The following LRP1B variants were observed in gnomAD, a reference collection of about 807,000 sequenced individuals.
LRP1B encodes low-density lipoprotein receptor-related protein 1B.
LRP1B carries 217 observed loss-of-function variants against 556.6 expected under a neutral mutation model. The ratio of observed to expected loss-of-function variants is 0.39; its 90% confidence interval spans 0.35 to 0.44. LRP1B has a LOEUF of 0.44. LRP1B is among the 20% of genes least tolerant of loss of function. The pLI is 1.00. For synonymous variants in LRP1B, 2,047 were observed against 1,865.8 expected, an observed-to-expected ratio of 1.10 and a Z score of -2.50; for missense variants, 5,053 against 5,620.8, an observed-to-expected ratio of 0.90 and a Z score of 3.23.
intron 31 of LRP1B, among the ~76,000 whole-genome samples, chr2:140,830,249 A>C (rs2105073835): frequency 6.6e-6 from 1 of 152,210 alleles, no homozygotes; most frequent in African/African-American, 2.4e-5. Context: ...GAATACTTCC[A>C]AACTCATTCT....
At chr2:141,350,956 T>C (rs1244729738) in intron 3 of LRP1B, among the ~76,000 whole-genome samples, 1 of 152,066 alleles carries the variant, frequency 6.6e-6, no homozygotes, top group Non-Finnish European at 1.5e-5. Flanking sequence ...CAGAGGTGAT[T>C]ATATGTAACT....
intron 7 of LRP1B, among the ~76,000 whole-genome samples, chr2:141,176,570 G>A (rs1045432937): frequency 6.6e-6 from 1 of 152,044 alleles, no homozygotes; most frequent in Admixed American, 6.6e-5. Context: ...GCAGAACTGT[G>A]AGTCAATTAA....
chr2:140,830,277 C>T (rs957071439), intron 31 of LRP1B, among the ~76,000 whole-genome samples: 55 of 151,962 alleles, frequency 3.6e-4, no homozygotes, highest in Non-Finnish European at 1.2e-4. Context: ...CAGCATTTCC[C>T]TGATGTTAAA....
chr2:141,582,180 T>A (rs1263172643), intron 2 of LRP1B, among the ~76,000 whole-genome samples: 4 of 152,242 alleles, frequency 2.6e-5, no homozygotes, highest in Non-Finnish European at 5.9e-5. Context: ...AGGGCTTTTC[T>A]CTAAGAAGTA....
chr2:140,521,393 T>C (rs1490774924), intron 49 of LRP1B, among the ~76,000 whole-genome samples: 1 of 152,046 alleles, frequency 6.6e-6, no homozygotes, highest in South Asian at 2.1e-4. Context: ...TGGGGACCTA[T>C]TTTTAGCATT....
At chr2:140,978,966 T>C (rs1291121884) in intron 18 of LRP1B, among the ~76,000 whole-genome samples, 1 of 152,122 alleles carries the variant, frequency 6.6e-6, no homozygotes, top group Non-Finnish European at 1.5e-5. Context: ...TTGTACCAGC[T>C]TTTGAGAGCT....
chr2:141,217,660 T>C (rs1275131834), intron 6 of LRP1B, among the ~76,000 whole-genome samples: 1 of 152,192 alleles, frequency 6.6e-6, no homozygotes, highest in African/African-American at 2.4e-5. Flanking sequence ...GAAATACTTT[T>C]CTGAACATTG....
In LRP1B at chr2:141,177,515, T is replaced by A. The variant is rs1462722654; in HGVS notation, c.1013+10906A>T. ...TGGTTAAATAATATCATTTGCAATATCTTGGAAGGAAAAAGAAATGTGTAT... is the reference window on the plus strand; with the variant it reads ...TGGTTAAATAATATCATTTGCAATAACTTGGAAGGAAAAAGAAATGTGTAT... On this transcript the variant is annotated intron_variant, in intron 7 of 90. Transcript: ENST00000389484. Among the ~76,000 whole-genome samples, 5 of 152,136 alleles carry A rather than the reference T, an allele frequency of 3.3e-5. No homozygotes were observed. The East Asian group carries it at 7.7e-4, about 24-fold the overall frequency.
intron 7 of LRP1B, among the ~76,000 whole-genome samples, chr2:141,121,083 G>T (rs1033716028): frequency 1.3e-5 from 2 of 151,972 alleles, no homozygotes; most frequent in East Asian, 3.9e-4. Context: ...AAATCTAAGC[G>T]GTGCATTTAC....
intron 82 of LRP1B, among the ~76,000 whole-genome samples, chr2:140,321,579 A>AGGT (rs1049458683): frequency 2.6e-5 from 4 of 152,074 alleles, no homozygotes; most frequent in African/African-American, 9.7e-5. Flanking sequence ...GGCACACAAG[A>AGGT]GGTAATCAAT....
chr2:141,136,793 T>G (rs1701503885), intron 7 of LRP1B, among the ~76,000 whole-genome samples: 1 of 151,866 alleles, frequency 6.6e-6, no homozygotes, highest in Non-Finnish European at 1.5e-5. Flanking sequence ...AAGCGTGAAT[T>G]TGACTTAGAT....
At chr2:141,797,185 ATAAC>A (rs1695851816) in intron 2 of LRP1B, among the ~76,000 whole-genome samples, 7 of 131,420 alleles carry the variant, frequency 5.3e-5, no homozygotes, top group African/African-American at 1.2e-4. Flanking sequence ...ATATATATAT[ATAAC>A]TATATATATC....
At chr2:142,063,701 C>T (rs1252450852) in intron 1 of LRP1B, among the ~76,000 whole-genome samples, 2 of 151,406 alleles carry the variant, frequency 1.3e-5, no homozygotes, top group Admixed American at 1.3e-4. Context: ...TTGAAGGAAA[C>T]CAGCATTTCT....
At chr2:140,808,538 C>T (rs1196327767) in intron 32 of LRP1B, among the ~76,000 whole-genome samples, 1 of 152,132 alleles carries the variant, frequency 6.6e-6, no homozygotes, top group Non-Finnish European at 1.5e-5. Flanking sequence ...ACTTCCTTAT[C>T]TATTTTCCCT....
intron 7 of LRP1B, among the ~76,000 whole-genome samples, chr2:141,099,323 G>A (rs565180037): frequency 1.2e-4 from 19 of 152,168 alleles, no homozygotes; most frequent in African/African-American, 2.4e-4. Context: ...AGACCACCAC[G>A]TTAATTTCTT....
At chr2:140,461,026 G>A (rs1344067621) in intron 60 of LRP1B, among the ~76,000 whole-genome samples, 1 of 147,168 alleles carries the variant, frequency 6.8e-6, no homozygotes, top group Non-Finnish European at 1.5e-5. Context: ...TCGCACCACT[G>A]CACTCCAGCC....
intron 15 of LRP1B, among the ~76,000 whole-genome samples, chr2:141,002,568 T>G (rs1298479815): frequency 6.6e-6 from 1 of 152,180 alleles, no homozygotes; most frequent in East Asian, 1.9e-4. Flanking sequence ...TCTAGATGAC[T>G]TATAATACCT....
chr2:141,171,632 C>T (rs1410518307), intron 7 of LRP1B, among the ~76,000 whole-genome samples: 2 of 152,068 alleles, frequency 1.3e-5, no homozygotes, highest in Non-Finnish European at 2.9e-5. Context: ...ATCAGAAAAC[C>T]TCCCAGCTTC....
At chr2:141,764,230 G>T (rs1334827116) in intron 2 of LRP1B, among the ~76,000 whole-genome samples, 1 of 152,096 alleles carries the variant, frequency 6.6e-6, no homozygotes, top group Non-Finnish European at 1.5e-5. Flanking sequence ...GCCCAGGCTG[G>T]AGTGCAGTGG....
Sources: allele counts gnomAD v4.1 joint callset (sites outside exome capture counted in the v4.1 genomes callset), GRCh38; gene constraint gnomAD v4.1.1; transcripts MANE v1.5; gene names NCBI Gene and HGNC (gene_info 2026-07-23, HGNC 2026-07-21).